TBC1D10A: variants seen among roughly 807,000 people sequenced by gnomAD.
The protein encoded by TBC1D10A is TBC1 domain family member 10A.
In TBC1D10A, 24 loss-of-function variants were observed where a neutral mutation model predicts 52.9. The observed-to-expected ratio is 0.45, with a 90% CI of 0.33 to 0.64. The LOEUF (loss-of-function observed/expected upper bound fraction) is 0.64, where lower values mean the gene tolerates loss of function less well. TBC1D10A is among the 30% of genes least tolerant of loss of function. The probability of loss-of-function intolerance (pLI) is 0.02; values close to 1 mark genes in which losing one functional copy is unlikely to be tolerated. For missense variants in TBC1D10A, 602 were observed against 687.9 expected, an observed-to-expected ratio of 0.88 and a Z score of 1.40; for synonymous variants, 278 against 282.9, an observed-to-expected ratio of 0.98 and a Z score of 0.17.
At chr22:30,319,308 G>A (rs1377664315) in intron 1 of TBC1D10A, among the ~76,000 whole-genome samples, 1 of 152,178 alleles carries the variant, frequency 6.6e-6, no homozygotes, top group African/African-American at 2.4e-5. Context: ...ATTTGTCTGT[G>A]GTTCTATTTT....
chr22:30,296,543 T>C (rs1930084797), intron 3 of TBC1D10A: 1 of 152,194 alleles, frequency 6.6e-6, no homozygotes, highest in African/African-American at 2.4e-5. Flanking sequence ...TGTCAAACCA[T>C]TAACCTCAGA....
At chr22:30,320,715 T>C (rs548887684) in intron 1 of TBC1D10A, among the ~76,000 whole-genome samples, 9 of 152,272 alleles carry the variant, frequency 5.9e-5, no homozygotes, top group Admixed American at 6.5e-5. Flanking sequence ...AATGAAAAGA[T>C]AGAACCACGA....
At position 30,314,954 on chromosome 22, in the gene TBC1D10A, C is replaced by T. The variant is rs557773695; in HGVS notation, c.210-10324G>A. Among the ~76,000 whole-genome samples, 11 of 152,336 alleles carry T rather than the reference C, an allele frequency of 7.2e-5. No individual in the cohort carries two copies. In the South Asian group the frequency reaches 2.1e-3, roughly 29 times the overall value. ...AGGAGGACAGAGGCCCCGGGCAGCA[C>T]TCTGGTTGCAAGCCTTGAGTGGAAT... On this transcript the variant is annotated intron_variant, in intron 1 of 8. Coordinates refer to ENST00000215790, the MANE Select transcript of TBC1D10A (RefSeq NM_031937.3).
intron 1 of TBC1D10A, among the ~76,000 whole-genome samples, chr22:30,316,109 G>T (rs959064555): frequency 4.6e-5 from 7 of 152,220 alleles, no homozygotes; most frequent in Admixed American, 2.0e-4. Context: ...AAAGCACTTT[G>T]CAGACTAAAG....
At chr22:30,312,094 G>T (rs1476756264) in intron 1 of TBC1D10A, among the ~76,000 whole-genome samples, 6 of 152,194 alleles carry the variant, frequency 3.9e-5, no homozygotes, top group Non-Finnish European at 7.3e-5. Flanking sequence ...AGTGCCGCCT[G>T]AGACTATTCT....
chr22:30,326,795 G>A lies in TBC1D10A; in HGVS notation c.87C>T (p.Gly29=). 2 of 1,496,108 alleles carry A rather than the reference G, an allele frequency of 1.3e-6. No homozygotes were observed. Among genetic ancestry groups the A allele is most frequent in the Non-Finnish European group, 8.9e-7 (1 of 1,122,358 alleles). The allele number at this position is 1,496,108 out of a possible 1,614,324, so 92.7% of individuals were successfully genotyped here. A position where few individuals can be genotyped will look rare whatever the true frequency, so the allele number is the denominator to read the frequency against. Residue 29 remains glycine (G), a synonymous_variant, in exon 1 of 9, where the codon GGC becomes GGT. Transcript: ENST00000215790. ...GTTCGTCGGTGGTTGCGGCGTCGGG[G>A]CCCTGGGCCAGGCTCTCCCGGGTTC... ...LSGTRESLAQ[G]PDAATTDELS... is the part of the protein sequence containing the mutation.
At chr22:30,301,873 T>TG (rs1255064983) in intron 2 of TBC1D10A, among the ~76,000 whole-genome samples, 5 of 152,192 alleles carry the variant, frequency 3.3e-5, no homozygotes, top group Admixed American at 3.3e-4. Flanking sequence ...TGAAGGGAAC[T>TG]GCACTAGACG....
At chr22:30,318,328 T>C (rs926080107) in intron 1 of TBC1D10A, among the ~76,000 whole-genome samples, 2 of 152,216 alleles carry the variant, frequency 1.3e-5, no homozygotes, top group African/African-American at 2.4e-5. Context: ...TCCTCTCTTC[T>C]GGTTCTCCTT....
chr22:30,299,364 G>A, intron 3 of TBC1D10A, 80 bp downstream of exon 3: 1 of 1,380,876 alleles, frequency 7.2e-7, no homozygotes, highest in South Asian at 1.2e-5. Flanking sequence ...AGGTTCAGGT[G>A]AGCACATGGA....
chr22:30,318,919 G>T (rs1286959822), intron 1 of TBC1D10A: 4 of 347,588 alleles, frequency 1.2e-5, no homozygotes, highest in Non-Finnish European at 2.3e-5. Flanking sequence ...CCATTTCCTG[G>T]ACTAACTTTT....
chr22:30,304,413 T>G lies in TBC1D10A; in HGVS notation c.309+118A>C, dbSNP rs139248175. The G allele has an allele frequency of 2.2e-4, 328 of 1,522,510 alleles. 1 individual carries two copies. The African/African-American group carries it at 4.3e-3, about 20-fold the overall frequency. 94.3% of individuals were successfully genotyped at this position (1,522,510 alleles called of 1,614,324 possible). A position where few individuals can be genotyped will look rare whatever the true frequency, so the allele number is the denominator to read the frequency against. ...CCTGCACTGGCAGTTGGAGGACACC[T>G]AAGGCATCTGGCAGTTATAGAAGCC... On this transcript the variant is annotated intron_variant, in intron 2 of 8. Coordinates refer to ENST00000215790, the MANE Select transcript of TBC1D10A (RefSeq NM_031937.3).
At chr22:30,300,281 C>G (rs1293280143) in intron 2 of TBC1D10A, among the ~76,000 whole-genome samples, 1 of 151,810 alleles carries the variant, frequency 6.6e-6, no homozygotes, top group African/African-American at 2.4e-5. Flanking sequence ...AACCCCGTCT[C>G]TACTAAAAAT....
At chr22:30,303,833 T>G (rs1930256312) in intron 2 of TBC1D10A, among the ~76,000 whole-genome samples, 1 of 152,228 alleles carries the variant, frequency 6.6e-6, no homozygotes, top group Non-Finnish European at 1.5e-5. Context: ...TTAAGAGTGG[T>G]GGGCAAGAAT....
Position 30,293,904 on chromosome 22 carries a change from C to G in TBC1D10A, c.895+17G>C. On this transcript the variant is annotated intron_variant, in intron 7 of 8. Coordinates refer to ENST00000215790, the MANE Select transcript of TBC1D10A (RefSeq NM_031937.3). Reference sequence around the variant, plus strand: ...CTGCTGGGGACAGGGGTGCTCCCCCCAAGCCCAGCCCAGTACCTTCACAGA... The same window carrying G: ...CTGCTGGGGACAGGGGTGCTCCCCCGAAGCCCAGCCCAGTACCTTCACAGA... 7 of 1,608,100 alleles carry G rather than the reference C, an allele frequency of 4.4e-6. No homozygotes were observed. In the South Asian group the frequency reaches 5.5e-5, roughly 13 times the overall value.
chr22:30,312,792 A>G (rs936777998), intron 1 of TBC1D10A, among the ~76,000 whole-genome samples: 3 of 152,140 alleles, frequency 2.0e-5, no homozygotes, highest in Admixed American at 1.3e-4. Context: ...TAACTACTCC[A>G]GGGACAGAAC....
intron 1 of TBC1D10A, among the ~76,000 whole-genome samples, chr22:30,312,165 T>C (rs1831771579): frequency 6.6e-6 from 1 of 152,174 alleles, no homozygotes; most frequent in African/African-American, 2.4e-5. Context: ...TGCTTGAAAT[T>C]CCCTTGCTGG....
At chr22:30,310,831 T>C (rs1327503449) in intron 1 of TBC1D10A, among the ~76,000 whole-genome samples, 1 of 151,932 alleles carries the variant, frequency 6.6e-6, no homozygotes, top group Non-Finnish European at 1.5e-5. Flanking sequence ...ACATATAAAG[T>C]CCCCCGCTCA....
Position 30,295,746 on chromosome 22 carries a change from C to T in TBC1D10A, c.515G>A (p.Gly172Glu), listed in dbSNP as rs781507477. ...FPFHEMFVSR[G>E]GHGQQDLFRV... ...GGCCCAGCCTGCTCACCCGTGGCCC[C>T]CCCGGGACACAAACATCTCATGGAA... Residue 172 changes from glycine to glutamate, a missense_variant, in exon 4 of 9, where the codon GGG becomes GAG. Physicochemically the swap from Gly to Glu is moderately conservative, Grantham distance 98. This residue lies in a region of TBC1D10A where 136 missense variants were observed against 208.4 expected (regional missense o/e 0.65). Transcript: ENST00000215790. 2 of 1,614,026 alleles carry T rather than the reference C, an allele frequency of 1.2e-6. No individual in the cohort carries two copies. The highest frequency in any genetic ancestry group is 1.7e-5 in the Admixed American group (1 of 60,022).
intron 1 of TBC1D10A, 65 bp from the exon 2 acceptor site, chr22:30,304,695 C>A: frequency 6.3e-7 from 1 of 1,581,142 alleles, no homozygotes; most frequent in East Asian, 2.3e-5. Context: ...GCTTCATTCC[C>A]AGCCGCCAGC....
Sources: gnomAD v4.1 joint callset for allele counts (sites outside exome capture counted in the v4.1 genomes callset) on GRCh38, gnomAD v4.1.1 for gene constraint, gnomAD v4.1.1 regional missense constraint, MANE v1.5 for transcripts, NCBI Gene and HGNC (gene_info 2026-07-23, HGNC 2026-07-21) for gene names.